The following MOCOS variants were observed in gnomAD, a reference collection of about 807,000 sequenced individuals.
MOCOS encodes human molybdenum cofactor sulfurase.
Under a neutral mutation model 83.6 loss-of-function variants are expected in MOCOS, and 86 were observed. The ratio of observed to expected loss-of-function variants is 1.03; its 90% confidence interval spans 0.86 to 1.23. The LOEUF is 1.23. Among genes scored for constraint, MOCOS ranks in the 50% most tolerant of loss-of-function variants. The pLI is 0.00. For missense variants in MOCOS, 1,120 were observed against 1,126.9 expected (o/e 0.99, Z 0.09); for synonymous variants, 445 against 434.7 (o/e 1.02, Z -0.29).
intron 2 of MOCOS, among the ~76,000 whole-genome samples, 162 bp downstream of exon 2, chr18:36,195,508 A>T (rs1449358127): frequency 6.6e-6 from 1 of 152,222 alleles, no homozygotes; most frequent in Non-Finnish European, 1.5e-5. Flanking sequence ...GTCATTCTGT[A>T]CTGTAAACAT....
At chr18:36,194,575 G>A (rs891509755) in intron 1 of MOCOS, among the ~76,000 whole-genome samples, 3 of 152,202 alleles carry the variant, frequency 2.0e-5, no homozygotes, top group Non-Finnish European at 2.9e-5. Flanking sequence ...GGAATTGCTA[G>A]GTCAAAGGGT....
At chr18:36,244,390 G>A (rs2091595409) in intron 9 of MOCOS, among the ~76,000 whole-genome samples, 1 of 152,080 alleles carries the variant, frequency 6.6e-6, no homozygotes, top group African/African-American at 2.4e-5. Context: ...CCAAGGATCA[G>A]TCAGGAGCAG....
At chr18:36,255,715 T>G (rs1311159155) in intron 11 of MOCOS, among the ~76,000 whole-genome samples, 4 of 152,198 alleles carry the variant, frequency 2.6e-5, no homozygotes, top group Non-Finnish European at 5.9e-5. Context: ...CACACCTGAT[T>G]TGGAAACAAC....
chr18:36,261,877 A>C (rs898822894), intron 13 of MOCOS, among the ~76,000 whole-genome samples: 1 of 152,170 alleles, frequency 6.6e-6, no homozygotes, highest in African/African-American at 2.4e-5. Flanking sequence ...GACACTAAAT[A>C]TACATTATCA....
chr18:36,204,861 T>C (rs2091428460), intron 5 of MOCOS, among the ~76,000 whole-genome samples: 1 of 151,134 alleles, frequency 6.6e-6, no homozygotes, highest in Admixed American at 6.6e-5. Context: ...GGCATGGTGG[T>C]GAATGCCTGT....
At position 36,268,565 on chromosome 18, in the gene MOCOS, A is replaced by G; in HGVS notation, c.2547A>G (p.Ser849=). Residue 849 remains serine, a synonymous_variant, in exon 15 of 15, where the codon TCA becomes TCG. Transcript: ENST00000261326. ...VNFGMYLMHA[S]LDLSSPCFLS... is the part of the protein sequence containing the mutation. Reference sequence around the variant, plus strand: ...TTGGCATGTACCTGATGCATGCATCATTGGATTTATCCTCCCCATGTTTCC... The same window carrying G: ...TTGGCATGTACCTGATGCATGCATCGTTGGATTTATCCTCCCCATGTTTCC... 6.2e-7 allele frequency: 1 copy of G among 1,614,150 alleles called. No individual in the cohort carries two copies. The highest frequency in any genetic ancestry group is 8.5e-7 in the Non-Finnish European group (1 of 1,180,018).
At position 36,266,829 on chromosome 18, in the gene MOCOS, A is replaced by G; in HGVS notation, c.2490A>G (p.Lys830=). 1.2e-6 allele frequency: 2 copies of G among 1,614,040 alleles called. No homozygotes were observed. Among genetic ancestry groups the G allele is most frequent in the Non-Finnish European group, 1.7e-6 (2 of 1,180,002 alleles). The part of the protein sequence containing the change: ...TGQRNQHVFQ[K]LSESRETKVN... ...AACGAAACCAGCATGTTTTCCAAAAACTTTCTGAGAGTCGTGAAACAAAGG... is the reference window on the plus strand; with the variant it reads ...AACGAAACCAGCATGTTTTCCAAAAGCTTTCTGAGAGTCGTGAAACAAAGG... The change falls in exon 14 of 15, where the codon AAA becomes AAG. Residue 830 remains lysine (K), a synonymous_variant. Coordinates refer to ENST00000261326, the MANE Select transcript of MOCOS (RefSeq NM_017947.4).
At chr18:36,254,190 G>GT (rs2091632452) in intron 11 of MOCOS, among the ~76,000 whole-genome samples, 1 of 152,136 alleles carries the variant, frequency 6.6e-6, no homozygotes, top group Non-Finnish European at 1.5e-5. Context: ...TCTTGAAACA[G>GT]TTTTTTTGAG....
intron 9 of MOCOS, among the ~76,000 whole-genome samples, chr18:36,237,567 C>G (rs1002051132): frequency 6.6e-6 from 1 of 152,092 alleles, no homozygotes; most frequent in African/African-American, 2.4e-5. Context: ...CATCAATGTT[C>G]ATCAAGGATA....
chr18:36,228,412 A>G (rs898783941), intron 9 of MOCOS, among the ~76,000 whole-genome samples: 2 of 152,246 alleles, frequency 1.3e-5, no homozygotes, highest in African/African-American at 4.8e-5. Flanking sequence ...TCACAATAGC[A>G]AGGACATGGA....
chr18:36,210,725 C>T (rs770826548), intron 6 of MOCOS, among the ~76,000 whole-genome samples: 97 of 151,552 alleles, frequency 6.4e-4, no homozygotes, highest in Non-Finnish European at 9.4e-4. Context: ...GTGGCACACA[C>T]CTGTAACCCC....
chr18:36,228,564 G>T (rs2091526405), intron 9 of MOCOS, among the ~76,000 whole-genome samples: 1 of 152,112 alleles, frequency 6.6e-6, no homozygotes, highest in Admixed American at 6.6e-5. Context: ...ATTAGCCTTA[G>T]CAAACCAACA....
At chr18:36,222,275 T>TAATCA (rs2091499168) in intron 9 of MOCOS, among the ~76,000 whole-genome samples, 1 of 152,236 alleles carries the variant, frequency 6.6e-6, no homozygotes, top group South Asian at 2.1e-4. Context: ...GATCATTTGA[T>TAATCA]AGTTTTATTT....
intron 6 of MOCOS, among the ~76,000 whole-genome samples, chr18:36,211,299 C>T (rs2091454715): frequency 1.3e-5 from 2 of 152,096 alleles, no homozygotes; most frequent in South Asian, 2.1e-4. Flanking sequence ...TTTATTCTCC[C>T]ACTGTTGGAA....
In MOCOS at chr18:36,187,533, C is replaced by T. The variant is rs890738965; in HGVS notation, c.-7C>T. 7.3e-6 allele frequency: 9 copies of T among 1,234,596 alleles called. No individual in the cohort carries two copies. Among genetic ancestry groups the T allele is most frequent in the Non-Finnish European group, 8.1e-6 (8 of 988,850 alleles). 76.5% of individuals were successfully genotyped at this position (1,234,596 alleles called of 1,614,324 possible). The stretch of plus-strand genomic sequence containing the variant: ...GCCCGGCCGGCCTGGATGGACTAGC[C>T]GGGGCCATGGCCGGCGCGGCGGCGG... On this transcript the variant is annotated 5_prime_UTR_variant, in exon 1 of 15. Transcript: ENST00000261326.
At chr18:36,224,785 G>A (rs1251055335) in intron 9 of MOCOS, among the ~76,000 whole-genome samples, 1 of 152,140 alleles carries the variant, frequency 6.6e-6, no homozygotes, top group African/African-American at 2.4e-5. Flanking sequence ...AAATGAGTTT[G>A]GGAATGTTCC....
intron 9 of MOCOS, among the ~76,000 whole-genome samples, chr18:36,226,045 G>A (rs1354416301): frequency 6.6e-6 from 1 of 151,500 alleles, no homozygotes; most frequent in Non-Finnish European, 1.5e-5. Flanking sequence ...AACGTTTTAT[G>A]TATGTTTGTT....
chr18:36,189,621 C>A (rs2091357041), intron 1 of MOCOS, among the ~76,000 whole-genome samples: 1 of 152,212 alleles, frequency 6.6e-6, no homozygotes, highest in African/African-American at 2.4e-5. Flanking sequence ...TGGATGGGAA[C>A]TTCCTTGCCT....
At chr18:36,246,261 G>A (rs947767680) in intron 9 of MOCOS, among the ~76,000 whole-genome samples, 5 of 152,178 alleles carry the variant, frequency 3.3e-5, no homozygotes, top group African/African-American at 1.2e-4. Flanking sequence ...GACTGTTTCT[G>A]TGGGAAGATA....
Sources: allele counts gnomAD v4.1 joint callset (sites outside exome capture counted in the v4.1 genomes callset), GRCh38; gene constraint gnomAD v4.1.1; transcripts MANE v1.5; gene names NCBI Gene and HGNC (gene_info 2026-07-23, HGNC 2026-07-21).